The following HAT1 variants were observed in gnomAD, a reference collection of about 807,000 sequenced individuals.
The protein encoded by HAT1 is histone acetyltransferase 1.
In HAT1, 20 loss-of-function variants were observed where a neutral mutation model predicts 56.6. The observed-to-expected ratio is 0.35, with a 90% CI of 0.25 to 0.51. The LOEUF is 0.51. Ranked by LOEUF, HAT1 falls within the 20% of genes least tolerant of loss-of-function variation. The pLI, the probability that HAT1 is intolerant of heterozygous loss-of-function variation, is 0.95. For missense variants in HAT1, 408 were observed against 504.3 expected, an observed-to-expected ratio of 0.81 and a Z score of 1.83; for synonymous variants, 146 against 165.5, an observed-to-expected ratio of 0.88 and a Z score of 0.91.
Position 171,925,616 on chromosome 2 carries a change from C to A in HAT1, c.87C>A (p.Thr29=). The stretch of plus-strand genomic sequence containing the variant: ...AACTGGCAGAGTACAAATGTAACAC[C>A]AACACAGCAATTGAACTAAAATTAG... ...EKKLAEYKCN[T]NTAIELKLVR... The change falls in exon 2 of 11, where the codon ACC becomes ACA. Residue 29 remains threonine (T), a synonymous_variant. Transcript: ENST00000264108. 6.5e-7 allele frequency: 1 copy of A among 1,528,464 alleles called. No individual in the cohort carries two copies. Among genetic ancestry groups the A allele is most frequent in the Non-Finnish European group, 9.1e-7 (1 of 1,102,176 alleles). 94.7% of individuals were successfully genotyped at this position (1,528,464 alleles called of 1,614,324 possible).
At chr2:171,924,686 A>G (rs1259498102) in intron 1 of HAT1, 1 of 152,202 alleles carries the variant, frequency 6.6e-6, no homozygotes, top group African/African-American at 2.4e-5. Context: ...TACAGTGGAA[A>G]GATGTTTTCT....
chr2:171,955,684 G>T (rs1205099527), intron 4 of HAT1, among the ~76,000 whole-genome samples: 2 of 152,120 alleles, frequency 1.3e-5, no homozygotes, highest in African/African-American at 4.8e-5. Context: ...GAAGCTAGGA[G>T]TGTAGGAGAG....
intron 8 of HAT1, among the ~76,000 whole-genome samples, chr2:171,973,178 G>A (rs1473922876): frequency 6.6e-6 from 1 of 152,008 alleles, no homozygotes; most frequent in African/African-American, 2.4e-5. Context: ...GGAGCTGTGC[G>A]TTGATCTGCT....
intron 2 of HAT1, among the ~76,000 whole-genome samples, chr2:171,942,359 A>G (rs1687039588): frequency 6.6e-6 from 1 of 152,236 alleles, no homozygotes; most frequent in Admixed American, 6.5e-5. Context: ...CACTCAAAAT[A>G]CCTACCTCTG....
intron 8 of HAT1, among the ~76,000 whole-genome samples, chr2:171,971,825 C>T (rs961599499): frequency 2.0e-4 from 31 of 152,146 alleles, no homozygotes; most frequent in African/African-American, 6.7e-4. Context: ...TTGAAATGCT[C>T]GATGGTGTAG....
chr2:171,944,471 G>C (rs1238624500), intron 2 of HAT1, among the ~76,000 whole-genome samples: 1 of 152,252 alleles, frequency 6.6e-6, no homozygotes, highest in Non-Finnish European at 1.5e-5. Flanking sequence ...GCAGCATACA[G>C]TTGGTCCTTG....
intron 2 of HAT1, among the ~76,000 whole-genome samples, chr2:171,946,010 G>A (rs986102625): frequency 6.6e-6 from 1 of 152,072 alleles, no homozygotes; most frequent in Non-Finnish European, 1.5e-5. Context: ...CACCATGTCA[G>A]CCAGGCTGGG....
chr2:171,977,332 C>A lies in HAT1; in HGVS notation c.975+1024C>A, dbSNP rs530169422. 2.1e-5 allele frequency among the ~76,000 whole-genome samples: 3 copies of A among 142,906 alleles called. No individual in the cohort carries two copies. The South Asian group carries it at 6.8e-4, about 32-fold the overall frequency. 93.8% of individuals were successfully genotyped at this position (142,906 alleles called of 152,430 possible). The stretch of plus-strand genomic sequence containing the variant: ...CGAAAATTAGCTGGGCGTGGTGGCG[C>A]GTGCCTGTAATCCCAGCTACTCAGG... On this transcript the variant is annotated intron_variant, in intron 9 of 10. Coordinates refer to ENST00000264108, the MANE Select transcript of HAT1 (RefSeq NM_003642.4).
intron 8 of HAT1, among the ~76,000 whole-genome samples, chr2:171,975,661 T>C (rs1574067833): frequency 6.6e-6 from 1 of 152,214 alleles, no homozygotes; most frequent in Non-Finnish European, 1.5e-5. Context: ...TCATGGCATA[T>C]TCCCTTTTAA....
chr2:171,941,619 G>A (rs997712315), intron 2 of HAT1, among the ~76,000 whole-genome samples: 1 of 152,194 alleles, frequency 6.6e-6, no homozygotes, highest in Non-Finnish European at 1.5e-5. Flanking sequence ...CCTTGCATGA[G>A]CAGTTCTCAG....
chr2:171,939,850 G>A (rs1016716527), intron 2 of HAT1, among the ~76,000 whole-genome samples: 3 of 150,752 alleles, frequency 2.0e-5, no homozygotes, highest in African/African-American at 7.3e-5. Flanking sequence ...TGACTGCTGT[G>A]GCGCAGTCAT....
intron 2 of HAT1, among the ~76,000 whole-genome samples, chr2:171,938,779 TG>T (rs1333042390): frequency 6.6e-6 from 1 of 152,142 alleles, no homozygotes; most frequent in Non-Finnish European, 1.5e-5. Context: ...CTTGCTCTAT[TG>T]TCCACACTAC....
chr2:171,943,726 CAT>C (rs141557606), intron 2 of HAT1, among the ~76,000 whole-genome samples: 75,294 of 142,878 alleles, frequency 0.53, 20,219 homozygotes, highest in Middle Eastern at 0.59. Flanking sequence ...TATGGACATT[CAT>C]ATATATATAT....
chr2:171,945,477 C>G (rs1422722408), intron 2 of HAT1, among the ~76,000 whole-genome samples: 2 of 147,622 alleles, frequency 1.4e-5, no homozygotes, highest in Non-Finnish European at 1.5e-5. Context: ...GGCACTTTAG[C>G]TAGCTAGCTA....
chr2:171,953,251 T>G (rs1687352972), intron 4 of HAT1, among the ~76,000 whole-genome samples: 2 of 151,824 alleles, frequency 1.3e-5, no homozygotes. Flanking sequence ...GAGGCTGAGG[T>G]CAGAGGATGG....
intron 5 of HAT1, 133 bp downstream of exon 5, chr2:171,965,650 G>C: frequency 1.0e-6 from 1 of 974,336 alleles, no homozygotes; most frequent in African/African-American, 1.6e-5. Flanking sequence ...GATCTATTTT[G>C]TGTGTATGTC....
intron 4 of HAT1, among the ~76,000 whole-genome samples, chr2:171,960,760 C>T (rs924363698): frequency 6.6e-6 from 1 of 152,004 alleles, no homozygotes; most frequent in Non-Finnish European, 1.5e-5. Context: ...GCTTGTAATG[C>T]CAGCTACTCT....
chr2:171,940,937 A>G (rs1169944400), intron 2 of HAT1, among the ~76,000 whole-genome samples: 1 of 152,172 alleles, frequency 6.6e-6, no homozygotes. Context: ...TTTTTCACTC[A>G]TTTTGACTAG....
chr2:171,939,423 C>T (rs965184041), intron 2 of HAT1, among the ~76,000 whole-genome samples: 3 of 152,164 alleles, frequency 2.0e-5, no homozygotes, highest in Admixed American at 6.5e-5. Flanking sequence ...GTTTGTTAAA[C>T]AGGTTGAATA....
Sources: gnomAD v4.1 joint callset for allele counts (sites outside exome capture counted in the v4.1 genomes callset) on GRCh38, gnomAD v4.1.1 for gene constraint, MANE v1.5 for transcripts, NCBI Gene and HGNC (gene_info 2026-07-23, HGNC 2026-07-21) for gene names.